PRKACB: variants seen among roughly 807,000 people sequenced by gnomAD.
PRKACB encodes the protein cAMP-dependent protein kinase catalytic subunit beta.
PRKACB carries 16 observed loss-of-function variants against 51.4 expected under a neutral mutation model. The ratio of observed to expected loss-of-function variants is 0.31; its 90% CI spans 0.21 to 0.47. PRKACB has a LOEUF of 0.47. Among genes scored for constraint, PRKACB ranks in the 20% least tolerant of loss-of-function variants. The pLI is 1.00. For missense variants in PRKACB, 309 were observed against 464.5 expected (o/e 0.67, Z 3.08); for synonymous variants, 147 against 154.4 (o/e 0.95, Z 0.35).
chr1:84,115,811 G>T (rs537639730), intron 1 of PRKACB, among the ~76,000 whole-genome samples: 1 of 146,226 alleles, frequency 6.8e-6, no homozygotes, highest in Admixed American at 7.1e-5. Context: ...GAACCCAGGA[G>T]GTGGAGGTTG....
In PRKACB at chr1:84,102,498, A is replaced by G. The variant is rs193103428; in HGVS notation, c.46+24127A>G. Among the ~76,000 whole-genome samples the G allele has an allele frequency of 4.1e-3, 627 of 152,330 alleles. 4 individuals are homozygous for G. Among genetic ancestry groups the G allele is most frequent in the African/African-American group, 0.014 (564 of 41,578 alleles). On this transcript the variant is annotated intron_variant, in intron 1 of 8. Coordinates refer to the PRKACB transcript ENST00000370688. ...TAGAAATCTTAAGGACTTGTCCCATAGCAGTCTTATGTGAGGCCCAAGGTA... is the reference window on the plus strand; with the variant it reads ...TAGAAATCTTAAGGACTTGTCCCATGGCAGTCTTATGTGAGGCCCAAGGTA...
chr1:84,090,821 A>G (rs1648399815), intron 1 of PRKACB, among the ~76,000 whole-genome samples: 1 of 152,140 alleles, frequency 6.6e-6, no homozygotes, highest in Non-Finnish European at 1.5e-5. Context: ...GGGAAGTTGA[A>G]TTAGATTCTG....
At chr1:84,101,333 T>C (rs544699140) in intron 1 of PRKACB, among the ~76,000 whole-genome samples, 1 of 152,324 alleles carries the variant, frequency 6.6e-6, no homozygotes, top group African/African-American at 2.4e-5. Flanking sequence ...TCTCCTTTAC[T>C]TGAAGTAAAC....
chr1:84,107,824 TA>T (rs1375474014), intron 1 of PRKACB, among the ~76,000 whole-genome samples: 1 of 150,800 alleles, frequency 6.6e-6, no homozygotes, highest in Non-Finnish European at 1.5e-5. Flanking sequence ...TATTAAAGAG[TA>T]AAAAAATAAC....
intron 9 of PRKACB, among the ~76,000 whole-genome samples, chr1:84,223,046 C>T (rs1367166482): frequency 6.6e-6 from 1 of 152,076 alleles, no homozygotes; most frequent in Non-Finnish European, 1.5e-5. Flanking sequence ...ATCTGGATTT[C>T]TAAATCTCTT....
intron 1 of PRKACB, among the ~76,000 whole-genome samples, chr1:84,160,866 C>T (rs963698489): frequency 1.5e-4 from 23 of 151,698 alleles, no homozygotes; most frequent in African/African-American, 5.1e-4. Flanking sequence ...GCAAACCCTT[C>T]AAATTAATTG....
intron 1 of PRKACB, among the ~76,000 whole-genome samples, chr1:84,121,671 T>G (rs1651089209): frequency 1.3e-5 from 2 of 152,136 alleles, no homozygotes; most frequent in South Asian, 4.1e-4. Context: ...CATGTGTCCT[T>G]GTGAACACAA....
intron 1 of PRKACB, among the ~76,000 whole-genome samples, chr1:84,133,383 TAAAG>T (rs1652455226): frequency 6.6e-6 from 1 of 151,568 alleles, no homozygotes; most frequent in Non-Finnish European, 1.5e-5. Context: ...CAGATCTACA[TAAAG>T]AAAGGAAAAT....
intron 4 of PRKACB, 26 bp downstream of exon 4, chr1:84,184,161 G>T (rs1292053060): frequency 6.4e-7 from 1 of 1,562,606 alleles, no homozygotes; most frequent in Admixed American, 2.0e-5. Context: ...ATCTAAATAA[G>T]ATATTTTCAA....
At chr1:84,234,843 C>A (rs1263844021) in intron 9 of PRKACB, among the ~76,000 whole-genome samples, 1 of 152,202 alleles carries the variant, frequency 6.6e-6, no homozygotes, top group Non-Finnish European at 1.5e-5. Context: ...GAACCTGGTA[C>A]CTCAGATGGA....
chr1:84,230,836 A>G (rs1214717741), intron 9 of PRKACB, among the ~76,000 whole-genome samples: 1 of 146,268 alleles, frequency 6.8e-6, no homozygotes, highest in Non-Finnish European at 1.5e-5. Flanking sequence ...TTTTGGGCTG[A>G]GACAATGGGG....
rs1372416164 is a variant in PRKACB at position 84,196,629 on chromosome 1, C to T, written c.574C>T (p.Arg192Trp). The T allele has an allele frequency of 8.1e-6, 13 of 1,612,808 alleles. No homozygotes were observed. The highest frequency in any genetic ancestry group is 1.7e-5 in the Admixed American group (1 of 59,872). ...RIGRFSEPHA[R>W]FYAAQIVLTF... Reference sequence around the variant, plus strand: ...ATTTCTTTGCAGTGAGCCCCATGCACGGTTCTATGCAGCTCAGATAGTGCT... The same window carrying T: ...ATTTCTTTGCAGTGAGCCCCATGCATGGTTCTATGCAGCTCAGATAGTGCT... The change falls in exon 6 of 10, where the codon CGG (arginine) becomes TGG (tryptophan). Residue 192 changes from arginine to tryptophan, a missense_variant. Around this residue, in one of 3 missense-constraint regions of PRKACB, gnomAD observed 60 missense variants for 144.4 expected, o/e 0.42. Transcript: ENST00000370685.
intron 1 of PRKACB, among the ~76,000 whole-genome samples, chr1:84,168,598 C>T (rs1031053889): frequency 2.6e-5 from 4 of 151,548 alleles, no homozygotes; most frequent in African/African-American, 9.7e-5. Flanking sequence ...ATTGGGAAAG[C>T]AGTACATCAT....
chr1:84,155,974 G>T (rs1415856142), intron 1 of PRKACB, among the ~76,000 whole-genome samples: 1 of 152,060 alleles, frequency 6.6e-6, no homozygotes, highest in African/African-American at 2.4e-5. Flanking sequence ...CCAAAAGTTA[G>T]TTGAAGAAAG....
intron 1 of PRKACB, among the ~76,000 whole-genome samples, chr1:84,176,137 A>C (rs1432930030): frequency 6.6e-6 from 1 of 151,816 alleles, no homozygotes; most frequent in African/African-American, 2.4e-5. Flanking sequence ...ATAATAATTT[A>C]AGTGGTTAAA....
At chr1:84,201,075 T>C (rs1382223857) in intron 7 of PRKACB, among the ~76,000 whole-genome samples, 2 of 152,150 alleles carry the variant, frequency 1.3e-5, no homozygotes, top group African/African-American at 4.8e-5. Flanking sequence ...TTCCCAGAAG[T>C]AGAATTACTG....
chr1:84,161,465 C>T (rs191599930), intron 1 of PRKACB, among the ~76,000 whole-genome samples: 6 of 151,938 alleles, frequency 3.9e-5, no homozygotes, highest in Admixed American at 3.9e-4. Flanking sequence ...GTTAATGTCA[C>T]TATTGATATG....
intron 9 of PRKACB, among the ~76,000 whole-genome samples, chr1:84,221,244 A>C (rs1412051268): frequency 5.6e-5 from 8 of 143,034 alleles, no homozygotes; most frequent in Non-Finnish European, 1.1e-4. Context: ...ATAGTTGTTC[A>C]TGATAGTCTC....
chr1:84,207,452 A>G (rs1671510409), intron 8 of PRKACB, among the ~76,000 whole-genome samples: 1 of 152,036 alleles, frequency 6.6e-6, no homozygotes, highest in Non-Finnish European at 1.5e-5. Context: ...CACCATATCT[A>G]TAACATGCCT....
Sources: gnomAD v4.1 joint callset for allele counts (sites outside exome capture counted in the v4.1 genomes callset) on GRCh38, gnomAD v4.1.1 for gene constraint, gnomAD v4.1.1 regional missense constraint, MANE v1.5 for transcripts, NCBI Gene and HGNC (gene_info 2026-07-23, HGNC 2026-07-21) for gene names.